The following RERE variants were observed in gnomAD, a reference collection of about 807,000 sequenced individuals.
RERE encodes the protein arginine-glutamic acid dipeptide repeats protein.
In RERE, 40 loss-of-function variants were observed where a neutral mutation model predicts 146.1. The ratio of observed to expected loss-of-function variants is 0.27; its 90% CI spans 0.21 to 0.36. RERE has a LOEUF of 0.36. Ranked by LOEUF, RERE falls within the 10% of genes least tolerant of loss-of-function variation. The pLI, the probability that RERE is intolerant of heterozygous loss-of-function variation, is 1.00. For synonymous variants in RERE, 1,003 were observed against 866.0 expected (o/e 1.16, Z -2.78); for missense variants, 1,933 against 2,138.7 (o/e 0.90, Z 1.90).
At chr1:8,776,566 G>A (rs1641067386) in intron 1 of RERE, among the ~76,000 whole-genome samples, 1 of 151,988 alleles carries the variant, frequency 6.6e-6, no homozygotes, top group South Asian at 2.1e-4. Flanking sequence ...CCAAAGTGCA[G>A]GACTACAGGT....
chr1:8,376,365 T>C (rs1315766037), intron 12 of RERE, among the ~76,000 whole-genome samples: 2 of 152,134 alleles, frequency 1.3e-5, no homozygotes, highest in Non-Finnish European at 2.9e-5. Flanking sequence ...CCAGCACCCA[T>C]GGACTACAGA....
rs1643937412 is a variant in RERE, at chr1:8,423,096, C to CTCTTCG, written c.1204-290_1204-289insCGAAGA. ...GAAGCAATCTGTCCCCCTCTTCCAC[C>CTCTTCG]AGGCACACATTCTGGTGCACGAAGG... On this transcript the variant is annotated intron_variant, in intron 11 of 22. Coordinates refer to ENST00000400908, the MANE Select transcript of RERE (RefSeq NM_001042681.2). The surrounding 1 kb of genome is among the most constrained non-coding windows in gnomAD (Gnocchi z 5.4). 3 of 386,908 alleles carry CTCTTCG rather than the reference C, an allele frequency of 7.8e-6. No individual in the cohort carries two copies. Among genetic ancestry groups the CTCTTCG allele is most frequent in the African/African-American group, 4.0e-5 (2 of 49,718 alleles). 24.0% of individuals were successfully genotyped at this position (386,908 alleles called of 1,614,324 possible). A position where few individuals can be genotyped will look rare whatever the true frequency, so the allele number is the denominator to read the frequency against.
chr1:8,591,240 A>T (rs1057052449), intron 4 of RERE, among the ~76,000 whole-genome samples: 3 of 152,162 alleles, frequency 2.0e-5, no homozygotes, highest in Non-Finnish European at 4.4e-5. Flanking sequence ...CTCTATAAAT[A>T]ACTTACTGAT....
chr1:8,369,508 T>TAAAAAAAAAAAAAAAAAAAAA (rs1186718390), intron 12 of RERE, among the ~76,000 whole-genome samples: 18 of 76,888 alleles, frequency 2.3e-4, no homozygotes, highest in African/African-American at 7.6e-4. Context: ...CGCCTTTTAC[T>TAAAAAAAAAAAAAAAAAAAAA]AAAAAAAAAA....
chr1:8,490,486 CAAT>C lies in RERE; in HGVS notation c.1104+4574_1104+4576del, dbSNP rs1458449855. Among the ~76,000 whole-genome samples the C allele has an allele frequency of 1.3e-5, 2 of 150,348 alleles. 1 individual carries two copies. The highest frequency in any genetic ancestry group is 5.0e-5 in the African/African-American group (2 of 39,836). On this transcript the variant is annotated intron_variant, in intron 10 of 22. Coordinates refer to ENST00000400908, the MANE Select transcript of RERE (RefSeq NM_001042681.2). ...AATGTCAACATAAAGACTCATACAA[CAAT>C]GTTGAAAAAACTTTTATTTATAATG...
chr1:8,668,121 T>A (rs555784938), intron 1 of RERE, among the ~76,000 whole-genome samples: 2 of 152,384 alleles, frequency 1.3e-5, no homozygotes, highest in East Asian at 3.9e-4. Context: ...GTTAAGCATC[T>A]GTGTTGCTTC....
chr1:8,789,149 A>G (rs1255528829), intron 1 of RERE, among the ~76,000 whole-genome samples: 1 of 150,848 alleles, frequency 6.6e-6, no homozygotes, highest in East Asian at 1.9e-4. Flanking sequence ...TATCTTGTAT[A>G]AAATATGATA....
chr1:8,692,682 A>G (rs1432571681), intron 1 of RERE, among the ~76,000 whole-genome samples: 1 of 152,128 alleles, frequency 6.6e-6, no homozygotes, highest in African/African-American at 2.4e-5. Context: ...TAGATTACGT[A>G]TAATACCTAA....
chr1:8,398,491 TTC>T (rs1451764444), intron 12 of RERE, among the ~76,000 whole-genome samples: 1 of 152,240 alleles, frequency 6.6e-6, no homozygotes, highest in Non-Finnish European at 1.5e-5. Context: ...TAAGATCCTC[TTC>T]TATTAACAAC....
chr1:8,817,388 T>C lies in RERE; in HGVS notation c.-373A>G, dbSNP rs1641937121. 6.6e-6 allele frequency: 1 copy of C among 151,738 alleles called. No homozygotes were observed. The highest frequency in any genetic ancestry group is 2.1e-4 in the South Asian group (1 of 4,808). The allele number at this position is 151,738 out of a possible 1,614,324, so 9.4% of individuals were successfully genotyped here. A position where few individuals can be genotyped will look rare whatever the true frequency, so the allele number is the denominator to read the frequency against. Reference sequence around the variant, plus strand: ...CCTCCTCCTCGGTCGGGCAGATCTTTCAGAAGCAGGAGCCCAGGATCATGT... The same window carrying C: ...CCTCCTCCTCGGTCGGGCAGATCTTCCAGAAGCAGGAGCCCAGGATCATGT... On this transcript the variant is annotated 5_prime_UTR_variant, in exon 1 of 23. An upstream open reading frame in the 5' UTR loses its in-frame stop. Transcript: ENST00000400908.
intron 1 of RERE, among the ~76,000 whole-genome samples, chr1:8,758,641 T>A (rs1640694778): frequency 6.6e-6 from 1 of 151,956 alleles, no homozygotes; most frequent in African/African-American, 2.4e-5. Flanking sequence ...TCCTGCCTCA[T>A]CAACCTTTTT....
intron 1 of RERE, chr1:8,786,360 G>A (rs911059745): frequency 4.6e-5 from 39 of 846,046 alleles, no homozygotes; most frequent in Non-Finnish European, 7.0e-5. Flanking sequence ...CAACAGTATA[G>A]ATGTCATGAA....
At chr1:8,694,312 G>A (rs1213353218) in intron 1 of RERE, among the ~76,000 whole-genome samples, 1 of 152,148 alleles carries the variant, frequency 6.6e-6, no homozygotes, top group East Asian at 1.9e-4. Context: ...ACAAAACTCA[G>A]CAGTATGTCT....
Position 8,358,977 on chromosome 1 carries a change from A to G in RERE, c.3619-61T>C, listed in dbSNP as rs1275119501. On this transcript the variant is annotated intron_variant, in intron 19 of 22. Transcript: ENST00000400908. ...AGCGCCTGGGGTCTCCGCTTGGTCC[A>G]CACTGCGGAGGTGGGCCTGGTCCTG... 2.6e-5 allele frequency: 38 copies of G among 1,488,852 alleles called. 1 individual carries two copies. Among genetic ancestry groups the G allele is most frequent in the South Asian group, 9.5e-5 (7 of 73,930 alleles). 92.2% of individuals were successfully genotyped at this position (1,488,852 alleles called of 1,614,324 possible).
At chr1:8,628,149 A>G (rs1212352652) in intron 2 of RERE, among the ~76,000 whole-genome samples, 1 of 152,216 alleles carries the variant, frequency 6.6e-6, no homozygotes, top group African/African-American at 2.4e-5. Context: ...TCCAATACAC[A>G]AGGTTAATAA....
chr1:8,714,146 A>G (rs1024666226), intron 1 of RERE, among the ~76,000 whole-genome samples: 2 of 152,226 alleles, frequency 1.3e-5, no homozygotes, highest in Admixed American at 6.5e-5. Flanking sequence ...AGTTATAGCT[A>G]TCTTTAAATT....
At chr1:8,416,853 G>C (rs116233722) in intron 12 of RERE, among the ~76,000 whole-genome samples, 2 of 152,090 alleles carry the variant, frequency 1.3e-5, no homozygotes, top group African/African-American at 4.8e-5. Context: ...GAATCCTCTG[G>C]GGGGTCCGTT....
At chr1:8,702,919 G>C (rs941527733) in intron 1 of RERE, 1 of 152,098 alleles carries the variant, frequency 6.6e-6, no homozygotes, top group South Asian at 2.1e-4. Context: ...TCATTCTTAG[G>C]AACACCCGAG....
chr1:8,444,212 G>T (rs1214323595), intron 11 of RERE, among the ~76,000 whole-genome samples: 1 of 152,228 alleles, frequency 6.6e-6, no homozygotes, highest in Non-Finnish European at 1.5e-5. Flanking sequence ...GTTTGCCCAG[G>T]CTGTGGCAAA....
Sources: allele counts gnomAD v4.1 joint callset (sites outside exome capture counted in the v4.1 genomes callset), GRCh38; gene constraint gnomAD v4.1.1; non-coding constraint Gnocchi (gnomAD v3.1); transcripts MANE v1.5; gene names NCBI Gene and HGNC (gene_info 2026-07-23, HGNC 2026-07-21).